Variants in TRPM3 observed in about 807,000 individuals in gnomAD.
The protein encoded by TRPM3 is transient receptor potential cation channel subfamily M member 3, also known as long transient receptor potential channel 3.
Under a neutral mutation model 181.2 loss-of-function variants are expected in TRPM3, and 77 were observed. That is an observed-to-expected ratio of 0.42 (90% CI 0.35 to 0.51). The LOEUF (loss-of-function observed/expected upper bound fraction) is 0.51. Among genes scored for constraint, TRPM3 ranks in the 20% least tolerant of loss-of-function variants. The probability of loss-of-function intolerance (pLI) is 0.01; values close to 1 mark genes in which losing one functional copy is unlikely to be tolerated. For missense variants in TRPM3, 1,759 were observed against 2,196.7 expected (o/e 0.80, Z 3.98); for synonymous variants, 745 against 796.4 (o/e 0.94, Z 1.09).
chr9:70,863,564 G>A (rs915096255), intron 2 of TRPM3, among the ~76,000 whole-genome samples: 4 of 152,184 alleles, frequency 2.6e-5, no homozygotes, highest in East Asian at 1.9e-4. Flanking sequence ...AACTGAACTT[G>A]TCTCTTCCCA....
At chr9:71,045,809 T>C (rs1565063536) in intron 1 of TRPM3, among the ~76,000 whole-genome samples, 1 of 152,130 alleles carries the variant, frequency 6.6e-6, no homozygotes. Flanking sequence ...TATGTAACAT[T>C]AGTTCTGATG....
At chr9:71,243,542 T>C (rs1217978668) in intron 1 of TRPM3, among the ~76,000 whole-genome samples, 1 of 152,272 alleles carries the variant, frequency 6.6e-6, no homozygotes, top group Non-Finnish European at 1.5e-5. Flanking sequence ...CTCTCTGAGA[T>C]GTAACCTTTA....
intron 1 of TRPM3, among the ~76,000 whole-genome samples, chr9:71,179,950 A>T (rs1472186826): frequency 6.6e-6 from 1 of 151,910 alleles, no homozygotes; most frequent in Non-Finnish European, 1.5e-5. Flanking sequence ...ACTGGAGGAA[A>T]CTGCTTAGTT....
intron 1 of TRPM3, among the ~76,000 whole-genome samples, chr9:70,966,554 T>C (rs1361799392): frequency 6.6e-6 from 1 of 152,092 alleles, no homozygotes; most frequent in Non-Finnish European, 1.5e-5. Context: ...TGGAATACTA[T>C]GCAGCCATAA....
chr9:71,132,772 AT>A (rs2074454966), intron 1 of TRPM3, among the ~76,000 whole-genome samples: 3 of 152,236 alleles, frequency 2.0e-5, no homozygotes, highest in Admixed American at 2.0e-4. Context: ...TATTTTAAAA[AT>A]TATACTTCAT....
chr9:70,758,683 T>C (rs2077524363), intron 8 of TRPM3, among the ~76,000 whole-genome samples: 1 of 152,122 alleles, frequency 6.6e-6, no homozygotes, highest in African/African-American at 2.4e-5. Flanking sequence ...GCCACAAATC[T>C]ACAACGATCT....
chr9:71,305,071 G>C (rs1391383983), intron 1 of TRPM3, among the ~76,000 whole-genome samples: 1 of 152,184 alleles, frequency 6.6e-6, no homozygotes, highest in Admixed American at 6.5e-5. Context: ...AACTGAGACT[G>C]AAAGAGACCA....
At chr9:71,133,337 C>G in intron 1 of TRPM3, among the ~76,000 whole-genome samples, 1 of 53,756 alleles carries the variant, frequency 1.9e-5, no homozygotes, top group Non-Finnish European at 3.9e-5. Context: ...TCTTGTTGCC[C>G]AGGCTGGAGT....
At chr9:70,947,817 A>T (rs1244901882) in intron 1 of TRPM3, among the ~76,000 whole-genome samples, 3 of 152,200 alleles carry the variant, frequency 2.0e-5, no homozygotes, top group Non-Finnish European at 4.4e-5. Flanking sequence ...GGTATTTTCC[A>T]GGGAAATGCA....
chr9:71,052,002 C>G (rs188469968), intron 1 of TRPM3, among the ~76,000 whole-genome samples: 1 of 151,880 alleles, frequency 6.6e-6, no homozygotes, highest in Non-Finnish European at 1.5e-5. Context: ...GTTAAGGGGA[C>G]CTTTGTACAT....
upstream of TRPM3, among the ~76,000 whole-genome samples, chr9:71,125,763 C>G (rs1331304936): frequency 1.3e-5 from 2 of 152,084 alleles, no homozygotes; most frequent in Admixed American, 1.3e-4. Context: ...AAAACTATAA[C>G]AACCCTAGAA....
In TRPM3 at chr9:71,058,859, T is replaced by C. The variant is rs537666703; in HGVS notation, c.177+62319A>G. Among the ~76,000 whole-genome samples, 34 of 152,032 alleles carry C rather than the reference T, an allele frequency of 2.2e-4. 1 individual carries two copies. The South Asian group carries it at 7.1e-3, about 32-fold the overall frequency. Reference sequence around the variant, plus strand: ...ATGGTAGTCACTCAGATGATTTGTTTACTTTGCTTCTGTATCCAGACTATA... The same window carrying C: ...ATGGTAGTCACTCAGATGATTTGTTCACTTTGCTTCTGTATCCAGACTATA... On this transcript the variant is annotated intron_variant, in intron 1 of 25. Transcript: ENST00000677713.
At chr9:70,961,855 T>C (rs1412685039) in intron 1 of TRPM3, among the ~76,000 whole-genome samples, 1 of 152,154 alleles carries the variant, frequency 6.6e-6, no homozygotes, top group Non-Finnish European at 1.5e-5. Context: ...AGGGGATTTA[T>C]TATAAAATGC....
intron 6 of TRPM3, among the ~76,000 whole-genome samples, chr9:70,819,077 A>C (rs1257889289): frequency 6.6e-6 from 1 of 152,250 alleles, no homozygotes. Flanking sequence ...TATGGGAAAG[A>C]TTTAGAAAAA....
intron 9 of TRPM3, among the ~76,000 whole-genome samples, chr9:70,658,961 A>G (rs1232465518): frequency 2.0e-5 from 3 of 152,024 alleles, no homozygotes; most frequent in African/African-American, 7.2e-5. Flanking sequence ...AGTCAAGAAA[A>G]CTTTTCTTTT....
chr9:70,612,439 T>A (rs1416295924), intron 18 of TRPM3, among the ~76,000 whole-genome samples: 3 of 152,152 alleles, frequency 2.0e-5, no homozygotes, highest in African/African-American at 7.2e-5. Flanking sequence ...ATAGAGACAA[T>A]CCTAGATAAT....
intron 1 of TRPM3, among the ~76,000 whole-genome samples, chr9:70,903,527 AAAG>A (rs2096416637): frequency 6.6e-6 from 1 of 152,146 alleles, no homozygotes. Context: ...AATCCTGTAA[AAAG>A]AAGGGAATTA....
intron 24 of TRPM3, among the ~76,000 whole-genome samples, chr9:70,550,094 T>C (rs2046103715): frequency 6.6e-6 from 1 of 152,194 alleles, no homozygotes; most frequent in Non-Finnish European, 1.5e-5. Flanking sequence ...CCTTTTTCCC[T>C]TTCCTGCTAC....
intron 1 of TRPM3, among the ~76,000 whole-genome samples, chr9:71,174,563 T>G (rs746669670): frequency 4.0e-5 from 6 of 151,718 alleles, no homozygotes. Context: ...GAAAATGAAG[T>G]TACAGCTTTG....
Sources: gnomAD v4.1 joint callset for allele counts (sites outside exome capture counted in the v4.1 genomes callset) on GRCh38, gnomAD v4.1.1 for gene constraint, MANE v1.5 for transcripts, NCBI Gene and HGNC (gene_info 2026-07-23, HGNC 2026-07-21) for gene names.